MTREX: variants seen among roughly 807,000 people sequenced by gnomAD.
MTREX encodes Mtr4 exosome RNA helicase.
MTREX carries 76 observed loss-of-function variants against 135.4 expected under a neutral mutation model. That is an observed-to-expected ratio of 0.56 (90% CI 0.47 to 0.68). The LOEUF is 0.68. MTREX is among the 30% of genes least tolerant of loss of function. The pLI is 0.00. For missense variants in MTREX, 920 were observed against 1,262.1 expected (o/e 0.73, Z 4.11); for synonymous variants, 404 against 401.6 (o/e 1.01, Z -0.07).
intron 1 of MTREX, among the ~76,000 whole-genome samples, chr5:55,309,914 C>T (rs964034045): frequency 3.3e-5 from 5 of 152,018 alleles, no homozygotes; most frequent in African/African-American, 1.2e-4. Flanking sequence ...ATAGTCTACT[C>T]GCATTAAGTT....
In MTREX at chr5:55,353,126, C is replaced by T; in HGVS notation, c.1432-42C>T. 5 of 1,360,756 alleles carry T rather than the reference C, an allele frequency of 3.7e-6. No individual in the cohort carries two copies. In the South Asian group the frequency reaches 5.9e-5, roughly 16 times the overall value. 84.3% of individuals were successfully genotyped at this position (1,360,756 alleles called of 1,614,324 possible). A position where few individuals can be genotyped will look rare whatever the true frequency, so the allele number is the denominator to read the frequency against. The stretch of plus-strand genomic sequence containing the variant: ...AAAAATTATAAAACCAGATTTTCAG[C>T]TTAAAATACATGTTTAATTATAGAA... On this transcript the variant is annotated intron_variant, in intron 13 of 26. Coordinates refer to ENST00000230640, the MANE Select transcript of MTREX (RefSeq NM_015360.5).
Position 55,397,303 on chromosome 5 carries a change from A to G in MTREX, c.2182-113A>G, listed in dbSNP as rs574466758. ...ACGGTGATTATTATGTACTTCTTAT[A>G]CCTGTTACATACCATAAATGCAACT... is the stretch of plus-strand genomic sequence containing the variant. On this transcript the variant is annotated intron_variant, in intron 19 of 26. Coordinates refer to ENST00000230640, the MANE Select transcript of MTREX (RefSeq NM_015360.5). 5.2e-4 allele frequency: 280 copies of G among 540,344 alleles called. 2 individuals carry two copies. Among genetic ancestry groups the G allele is most frequent in the South Asian group, 3.9e-3 (112 of 28,746 alleles). The allele number at this position is 540,344 out of a possible 1,614,324, so 33.5% of individuals were successfully genotyped here. A position where few individuals can be genotyped will look rare whatever the true frequency, so the allele number is the denominator to read the frequency against.
intron 18 of MTREX, among the ~76,000 whole-genome samples, chr5:55,384,735 T>C (rs567475680): frequency 3.3e-5 from 5 of 152,162 alleles, no homozygotes; most frequent in Non-Finnish European, 7.4e-5. Context: ...TTACCCCCTA[T>C]AGTATGTAGC....
Position 55,353,165 on chromosome 5 carries a change from T to C in MTREX, c.1432-3T>C, listed in dbSNP as rs1165185047. 6.3e-7 allele frequency: 1 copy of C among 1,578,860 alleles called. No individual in the cohort carries two copies. On this transcript the variant is annotated splice_region_variant and splice_polypyrimidine_tract_variant and intron_variant, in intron 13 of 26. Transcript: ENST00000230640. The stretch of plus-strand genomic sequence containing the variant: ...TTAATTATAGAATTACTTATTTACT[T>C]AGGCCTTATTTGCCACGGAGACCTT...
intron 14 of MTREX, among the ~76,000 whole-genome samples, chr5:55,357,869 C>T (rs1749946667): frequency 6.6e-6 from 1 of 152,138 alleles, no homozygotes; most frequent in South Asian, 2.1e-4. Flanking sequence ...CAGGTTGTTC[C>T]TGGTGACAGA....
chr5:55,320,081 A>G (rs1207631350), intron 1 of MTREX, among the ~76,000 whole-genome samples: 2 of 152,214 alleles, frequency 1.3e-5, no homozygotes, highest in African/African-American at 4.8e-5. Flanking sequence ...TGGGACTAGA[A>G]TGAATAGCTT....
chr5:55,398,835 GTC>G (rs1403350883), intron 20 of MTREX, among the ~76,000 whole-genome samples: 1 of 152,062 alleles, frequency 6.6e-6, no homozygotes, highest in Non-Finnish European at 1.5e-5. Flanking sequence ...GATAATCTGA[GTC>G]TCAGTTTTGC....
In MTREX at chr5:55,340,118, T is replaced by C. The variant is rs781073196; in HGVS notation, c.624T>C (p.Asp208=). The C allele has an allele frequency of 1.2e-6, 2 of 1,604,950 alleles. No individual in the cohort carries two copies. The highest frequency in any genetic ancestry group is 2.3e-5 in the East Asian group (1 of 44,166). ...KYREMYEEFQ[D]VGLMTGDVTI... Reference sequence around the variant, plus strand: ...GTGAAATGTATGAAGAATTTCAAGATGTTGGTTTGATGACTGGTGATGTTA... The same window carrying C: ...GTGAAATGTATGAAGAATTTCAAGACGTTGGTTTGATGACTGGTGATGTTA... Residue 208 remains aspartate, a synonymous_variant, in exon 6 of 27, where the codon GAT becomes GAC. Transcript: ENST00000230640.
intron 25 of MTREX, among the ~76,000 whole-genome samples, chr5:55,417,901 ATTTT>A (rs1192953469): frequency 6.6e-6 from 1 of 151,742 alleles, no homozygotes; most frequent in Non-Finnish European, 1.5e-5. Flanking sequence ...GCTTTTTTTT[ATTTT>A]TTTATTTTTA....
At chr5:55,358,463 C>T in intron 14 of MTREX, 110 bp from the exon 15 acceptor site, 3 of 928,954 alleles carry the variant, frequency 3.2e-6, no homozygotes, top group South Asian at 3.8e-5. Flanking sequence ...ATCATGTTTC[C>T]TTTCTTAGGG....
At chr5:55,375,407 T>C (rs1394533324) in intron 16 of MTREX, among the ~76,000 whole-genome samples, 4 of 152,146 alleles carry the variant, frequency 2.6e-5, no homozygotes, top group Non-Finnish European at 4.4e-5. Context: ...TTCTCAGGGA[T>C]GTTCCATGCT....
rs758396057 is a variant in MTREX at position 55,425,373 on chromosome 5, G to C, written c.*601G>C. On this transcript the variant is annotated 3_prime_UTR_variant, in exon 27 of 27. Coordinates refer to ENST00000230640, the MANE Select transcript of MTREX (RefSeq NM_015360.5). ...TATTTAATGGTATAATTTAGATCAA[G>C]TTAAAAACTACATACAAAGTTGTGA... The C allele has an allele frequency of 2.0e-6, 3 of 1,521,122 alleles. No homozygotes were observed. The highest frequency in any genetic ancestry group is 2.3e-5 in the East Asian group (1 of 43,984). 94.2% of individuals were successfully genotyped at this position (1,521,122 alleles called of 1,614,324 possible).
Position 55,351,006 on chromosome 5 carries a change from C to A in MTREX, c.1408C>A (p.Leu470Ile). Residue 470 changes from leucine to isoleucine, a missense_variant, in exon 13 of 27, where the codon CTC becomes ATC. This residue lies in a region of MTREX where 46 missense variants were observed against 116.8 expected (regional missense o/e 0.39). Coordinates refer to ENST00000230640, the MANE Select transcript of MTREX (RefSeq NM_015360.5). Reference protein sequence around the residue: ...LPILKETIEILFSEGLIKALF... With the variant: ...LPILKETIEIIFSEGLIKALF... ...TATTTTGAAAGAAACTATAGAAATT[C>A]TCTTTTCTGAAGGATTGATAAAGGT... 3 of 1,605,026 alleles carry A rather than the reference C, an allele frequency of 1.9e-6. No homozygotes were observed. The highest frequency in any genetic ancestry group is 1.7e-5 in the Admixed American group (1 of 57,984).
chr5:55,374,187 G>A (rs1017814371), intron 16 of MTREX, among the ~76,000 whole-genome samples: 3 of 151,568 alleles, frequency 2.0e-5, no homozygotes, highest in Admixed American at 6.6e-5. Flanking sequence ...AACCCAGGAG[G>A]CAGAGGTTGC....
At position 55,425,481 on chromosome 5, in the gene MTREX, C is replaced by T; in HGVS notation, c.*709C>T. 1 of 709,690 alleles carries T rather than the reference C, an allele frequency of 1.4e-6. No individual in the cohort carries two copies. Among genetic ancestry groups the T allele is most frequent in the Non-Finnish European group, 2.1e-6 (1 of 478,086 alleles). 44.0% of individuals were successfully genotyped at this position (709,690 alleles called of 1,614,324 possible). A position where few individuals can be genotyped will look rare whatever the true frequency, so the allele number is the denominator to read the frequency against. On this transcript the variant is annotated 3_prime_UTR_variant, in exon 27 of 27. Transcript: ENST00000230640. ...AAGCATATAAAAAATTAGAGACTAA[C>T]TGGGATTTTTTAAAGATTATTCCAA...
intron 3 of MTREX, 153 bp downstream of exon 3, chr5:55,324,351 T>C (rs937230705): frequency 5.1e-6 from 2 of 391,484 alleles, no homozygotes; most frequent in Non-Finnish European, 9.1e-6. Flanking sequence ...TGGGGCTTTG[T>C]AATTAAACTT....
intron 5 of MTREX, among the ~76,000 whole-genome samples, chr5:55,336,796 A>G (rs556481331): frequency 7.9e-5 from 12 of 152,170 alleles, no homozygotes; most frequent in South Asian, 4.1e-4. Context: ...TGTATTTTCA[A>G]TCCTCAGAAC....
intron 2 of MTREX, among the ~76,000 whole-genome samples, 198 bp downstream of exon 2, chr5:55,322,662 C>T (rs1458242710): frequency 6.6e-6 from 1 of 152,082 alleles, no homozygotes; most frequent in Admixed American, 6.5e-5. Context: ...ATGGAAAATA[C>T]TCATCTTTTA....
chr5:55,354,819 C>T (rs1749884000), intron 14 of MTREX, among the ~76,000 whole-genome samples: 1 of 152,150 alleles, frequency 6.6e-6, no homozygotes, highest in South Asian at 2.1e-4. Context: ...AATTTGGGTT[C>T]CAGCCTGGTT....
Sources: gnomAD v4.1 joint callset for allele counts (sites outside exome capture counted in the v4.1 genomes callset) on GRCh38, gnomAD v4.1.1 for gene constraint, gnomAD v4.1.1 regional missense constraint, MANE v1.5 for transcripts, NCBI Gene and HGNC (gene_info 2026-07-23, HGNC 2026-07-21) for gene names.